Variants in FRMD3 observed in about 807,000 individuals in gnomAD.
FRMD3 encodes the protein FERM domain-containing protein 3.
A neutral mutation model predicts 70.2 loss-of-function variants in FRMD3; 33 were observed. That is an observed-to-expected ratio of 0.47 (90% CI 0.36 to 0.63). FRMD3 has a LOEUF of 0.63. Ranked by LOEUF, FRMD3 falls within the 20% of genes least tolerant of loss-of-function variation. The pLI is 0.00. For synonymous variants in FRMD3, 279 were observed against 255.9 expected (o/e 1.09, Z -0.86); for missense variants, 632 against 711.4 (o/e 0.89, Z 1.27).
intron 3 of FRMD3, among the ~76,000 whole-genome samples, chr9:83,372,496 T>C (rs1041722213): frequency 3.3e-5 from 5 of 152,076 alleles, no homozygotes; most frequent in Non-Finnish European, 7.4e-5. Flanking sequence ...AGCAAAGTCA[T>C]TGGTAAAATT....
chr9:83,585,389 C>T, the FRMD3 span, among the ~76,000 whole-genome samples: 29 of 152,236 alleles, frequency 1.9e-4, no homozygotes, highest in Admixed American at 9.2e-4. Flanking sequence ...TTTGCCTAAT[C>T]TGACATTCAT....
At chr9:83,393,090 G>A (rs1825711828) in intron 1 of FRMD3, among the ~76,000 whole-genome samples, 1 of 152,200 alleles carries the variant, frequency 6.6e-6, no homozygotes, top group African/African-American at 2.4e-5. Context: ...ATCCATATGT[G>A]CATAAGTATA....
rs1832073965 is a variant in FRMD3 at position 83,245,984 on chromosome 9, G to C, written c.*1934C>G. The C allele has an allele frequency of 3.8e-5, 37 of 984,306 alleles. No individual in the cohort carries two copies. The highest frequency in any genetic ancestry group is 4.3e-5 in the Non-Finnish European group (36 of 829,000). The allele number at this position is 984,306 out of a possible 1,614,324, so 61.0% of individuals were successfully genotyped here. A position where few individuals can be genotyped will look rare whatever the true frequency, so the allele number is the denominator to read the frequency against. On this transcript the variant is annotated 3_prime_UTR_variant, in exon 14 of 14. Coordinates refer to ENST00000304195, the MANE Select transcript of FRMD3 (RefSeq NM_174938.6). ...TATTTAAAAAGCAAAATAAATCACTGAAAGCATATAGGAAAGGAAACCCCT... is the reference window on the plus strand; with the variant it reads ...TATTTAAAAAGCAAAATAAATCACTCAAAGCATATAGGAAAGGAAACCCCT...
chr9:83,361,501 T>G (rs1438534451), intron 3 of FRMD3, among the ~76,000 whole-genome samples: 1 of 152,096 alleles, frequency 6.6e-6, no homozygotes, highest in African/African-American at 2.4e-5. Context: ...GTGCAAAGCT[T>G]TACTGTCAAA....
intron 1 of FRMD3, among the ~76,000 whole-genome samples, chr9:83,428,222 C>CA (rs1376222066): frequency 2.6e-5 from 4 of 151,782 alleles, no homozygotes; most frequent in African/African-American, 9.7e-5. Flanking sequence ...ACTAAAAATA[C>CA]AAAAAATTAG....
chr9:83,424,534 C>T (rs12003254), intron 1 of FRMD3, among the ~76,000 whole-genome samples: 37,952 of 152,078 alleles, frequency 0.25, 4,778 homozygotes, highest in Non-Finnish European at 0.26. Flanking sequence ...TAAAGAGAAA[C>T]AGGCATGTGC....
At chr9:83,474,846 G>C (rs2131465365) in intron 1 of FRMD3, among the ~76,000 whole-genome samples, 2 of 152,022 alleles carry the variant, frequency 1.3e-5, no homozygotes, top group South Asian at 4.1e-4. Context: ...ACAGCTGCTA[G>C]AGGGATGATA....
At chr9:83,269,827 C>T (rs1833469604) in intron 13 of FRMD3, among the ~76,000 whole-genome samples, 1 of 152,212 alleles carries the variant, frequency 6.6e-6, no homozygotes, top group Admixed American at 6.5e-5. Context: ...TTTTTCCCCT[C>T]TTAAACCTGC....
chr9:83,511,482 A>G (rs1364001255), intron 1 of FRMD3, among the ~76,000 whole-genome samples: 2 of 152,120 alleles, frequency 1.3e-5, no homozygotes, highest in Non-Finnish European at 2.9e-5. Flanking sequence ...AGTGTTGAAA[A>G]TGGCTCTCAG....
chr9:83,482,818 T>C (rs1332682664), intron 1 of FRMD3, among the ~76,000 whole-genome samples: 1 of 152,092 alleles, frequency 6.6e-6, no homozygotes, highest in South Asian at 2.1e-4. Context: ...GGAACACAGA[T>C]GGCACCAGAC....
chr9:83,461,839 C>T (rs1046694603), intron 1 of FRMD3, among the ~76,000 whole-genome samples: 6 of 151,802 alleles, frequency 4.0e-5, no homozygotes, highest in African/African-American at 1.5e-4. Context: ...AGGCACCTGC[C>T]ACCACACCCA....
rs1409530407 is a variant in FRMD3, at chr9:83,244,771, G to GAAAT, written c.*3143_*3146dup. 1 of 985,190 alleles carries GAAAT rather than the reference G, an allele frequency of 1.0e-6. No individual in the cohort carries two copies. Among genetic ancestry groups the GAAAT allele is most frequent in the East Asian group, 1.1e-4 (1 of 8,804 alleles). 61.0% of individuals were successfully genotyped at this position (985,190 alleles called of 1,614,324 possible). ...GCCCCCATATCTCTAGTATTTCAAT[G>GAAAT]AAATAAACTCATTGTGAATTCACCC... On this transcript the variant is annotated 3_prime_UTR_variant, in exon 14 of 14. Transcript: ENST00000304195.
At chr9:83,377,950 G>A (rs1406005289) in intron 2 of FRMD3, among the ~76,000 whole-genome samples, 1 of 152,100 alleles carries the variant, frequency 6.6e-6, no homozygotes, top group Non-Finnish European at 1.5e-5. Flanking sequence ...TACATGATAG[G>A]CAGATATCAA....
chr9:83,273,236 G>A (rs1316179686), intron 13 of FRMD3, among the ~76,000 whole-genome samples: 3 of 152,200 alleles, frequency 2.0e-5, no homozygotes, highest in Admixed American at 6.5e-5. Flanking sequence ...TTGTTGCTGT[G>A]TCTGTGTAGA....
At chr9:83,291,016 A>T (rs974043056) in intron 12 of FRMD3, among the ~76,000 whole-genome samples, 5 of 152,006 alleles carry the variant, frequency 3.3e-5, no homozygotes, top group Admixed American at 6.6e-5. Context: ...GCGTTTTTTA[A>T]AAAAAAAGAA....
At chr9:83,451,229 A>G (rs1040207251) in intron 1 of FRMD3, among the ~76,000 whole-genome samples, 7 of 152,188 alleles carry the variant, frequency 4.6e-5, no homozygotes, top group African/African-American at 1.7e-4. Context: ...TCCATACTAC[A>G]CATGTACTTA....
chr9:83,570,253 T>C, the FRMD3 span, among the ~76,000 whole-genome samples: 1 of 152,084 alleles, frequency 6.6e-6, no homozygotes, highest in Non-Finnish European at 1.5e-5. Flanking sequence ...ATAACCAGAA[T>C]ACATAAGAAA....
At chr9:83,546,860 C>G in the FRMD3 span, among the ~76,000 whole-genome samples, 547 of 120,142 alleles carry the variant, frequency 4.6e-3, 5 homozygotes, top group African/African-American at 0.016. Flanking sequence ...CCACTGCACT[C>G]CAGCCTAGCG....
intron 2 of FRMD3, among the ~76,000 whole-genome samples, chr9:83,378,482 A>G (rs1406484342): frequency 3.6e-5 from 3 of 83,500 alleles, no homozygotes; most frequent in South Asian, 3.6e-4. Flanking sequence ...AAATTTATAT[A>G]TATAATATAC....
Sources: allele counts gnomAD v4.1 joint callset (sites outside exome capture counted in the v4.1 genomes callset), GRCh38; gene constraint gnomAD v4.1.1; transcripts MANE v1.5; gene names NCBI Gene and HGNC (gene_info 2026-07-23, HGNC 2026-07-21).